Variants in TMEM132D observed in about 807,000 individuals in gnomAD.
TMEM132D encodes the protein transmembrane protein 132D.
A neutral mutation model predicts 62.3 loss-of-function variants in TMEM132D; 21 were observed. The ratio of observed to expected loss-of-function variants is 0.34; its 90% CI spans 0.24 to 0.49. TMEM132D has a LOEUF of 0.49. TMEM132D is among the 20% of genes least tolerant of loss of function. The pLI is 0.99. For synonymous variants in TMEM132D, 621 were observed against 575.6 expected (o/e 1.08, Z -1.13); for missense variants, 1,346 against 1,402.8 (o/e 0.96, Z 0.65).
At chr12:129,224,940 A>T (rs1172297995) in intron 4 of TMEM132D, among the ~76,000 whole-genome samples, 1 of 152,176 alleles carries the variant, frequency 6.6e-6, no homozygotes, top group East Asian at 1.9e-4. Context: ...CCAAGTGGAA[A>T]TAATCAGTGT....
intron 5 of TMEM132D, among the ~76,000 whole-genome samples, chr12:129,103,704 A>C (rs1478757082): frequency 6.6e-6 from 1 of 152,144 alleles, no homozygotes; most frequent in Non-Finnish European, 1.5e-5. Flanking sequence ...CTTTATGCTA[A>C]AATATCTCCG....
rs759425875 is a variant in TMEM132D, at chr12:129,074,884, C to T, written c.2291G>A (p.Gly764Asp). The stretch of plus-strand genomic sequence containing the variant: ...AACCATTTCCACCTTGACCAGGGTG[C>T]CTTGTCCTTCTGTTTCCGCAGCAAT... ...PIIAAETEGQ[G>D]TLVKVEMVIS... Residue 764 changes from glycine to aspartate, a missense_variant, in exon 9 of 9, where the codon GGC (glycine) becomes GAC (aspartate). Physicochemically the swap from Gly to Asp is moderately conservative, Grantham distance 94. Coordinates refer to ENST00000422113, the MANE Select transcript of TMEM132D (RefSeq NM_133448.3). 6.2e-7 allele frequency: 1 copy of T among 1,613,932 alleles called. No individual in the cohort carries two copies. The highest frequency in any genetic ancestry group is 2.2e-5 in the East Asian group (1 of 44,854).
At chr12:129,201,919 G>T (rs1307942281) in intron 5 of TMEM132D, among the ~76,000 whole-genome samples, 1 of 152,010 alleles carries the variant, frequency 6.6e-6, no homozygotes, top group East Asian at 1.9e-4. Flanking sequence ...GTTGATGTAG[G>T]TGGCATTTCC....
chr12:129,134,088 A>G (rs543433647), intron 5 of TMEM132D, among the ~76,000 whole-genome samples: 11 of 145,008 alleles, frequency 7.6e-5, no homozygotes, highest in African/African-American at 2.0e-4. Context: ...TGTGTGTTGT[A>G]TGTGTGTGTG....
intron 2 of TMEM132D, among the ~76,000 whole-genome samples, chr12:129,650,601 T>A (rs1457882145): frequency 6.6e-6 from 1 of 152,206 alleles, no homozygotes; most frequent in Non-Finnish European, 1.5e-5. Flanking sequence ...GGCTGCTTCG[T>A]TTCATCACCA....
chr12:129,615,322 T>G (rs1878883774), intron 2 of TMEM132D, among the ~76,000 whole-genome samples: 1 of 152,156 alleles, frequency 6.6e-6, no homozygotes, highest in Non-Finnish European at 1.5e-5. Context: ...TCAAGCTCAC[T>G]TCTCCCAATA....
At chr12:129,215,693 T>C (rs1278577316) in intron 4 of TMEM132D, among the ~76,000 whole-genome samples, 1 of 152,294 alleles carries the variant, frequency 6.6e-6, no homozygotes, top group East Asian at 1.9e-4. Context: ...CTCTCTTGGA[T>C]TGTGCATTAG....
intron 3 of TMEM132D, among the ~76,000 whole-genome samples, chr12:129,524,194 C>A (rs1035316326): frequency 1.3e-5 from 2 of 150,926 alleles, no homozygotes; most frequent in African/African-American, 4.9e-5. Flanking sequence ...AACAAACCTG[C>A]ACATTGTGCA....
chr12:129,347,130 G>C (rs1199754294), intron 3 of TMEM132D, among the ~76,000 whole-genome samples: 1 of 152,250 alleles, frequency 6.6e-6, no homozygotes, highest in African/African-American at 2.4e-5. Flanking sequence ...TGGCCATGCT[G>C]CCCAAAGTAA....
chr12:129,833,557 C>G (rs1048347613), intron 1 of TMEM132D, among the ~76,000 whole-genome samples: 1 of 152,094 alleles, frequency 6.6e-6, no homozygotes, highest in Non-Finnish European at 1.5e-5. Context: ...CCCAGGAGTT[C>G]GAGGCTGCTG....
chr12:129,311,013 A>G (rs554608517), intron 4 of TMEM132D, among the ~76,000 whole-genome samples: 1 of 96,188 alleles, frequency 1.0e-5, no homozygotes, highest in African/African-American at 5.3e-5. Flanking sequence ...CCTGGCTAAC[A>G]CGGTGAAACC....
rs80274063 is a variant in TMEM132D, at chr12:129,472,863, C to T, written c.1115+58196G>A. On this transcript the variant is annotated intron_variant, in intron 3 of 8. Transcript: ENST00000422113. Reference sequence around the variant, plus strand: ...TCAATGTAGGACACTTCACTGTTGTCTTATTTTAAGACTTTTTTTTTTTTT... The same window carrying T: ...TCAATGTAGGACACTTCACTGTTGTTTTATTTTAAGACTTTTTTTTTTTTT... Among the ~76,000 whole-genome samples the T allele has an allele frequency of 1.8e-4, 28 of 151,824 alleles. 1 individual carries two copies. In the East Asian group the frequency reaches 5.2e-3, roughly 28 times the overall value.
At chr12:129,251,175 C>G (rs138456778) in intron 4 of TMEM132D, among the ~76,000 whole-genome samples, 570 of 151,748 alleles carry the variant, frequency 3.8e-3, no homozygotes, top group African/African-American at 0.013. Context: ...CTGGGCAACA[C>G]GGTGAAACCC....
At position 129,269,339 on chromosome 12, in the gene TMEM132D, C is replaced by T. The variant is rs528480444; in HGVS notation, c.1300-59676G>A. Among the ~76,000 whole-genome samples, 173 of 152,190 alleles carry T rather than the reference C, an allele frequency of 1.1e-3. 1 individual carries two copies. The highest frequency in any genetic ancestry group is 3.9e-3 in the African/African-American group (164 of 41,520). On this transcript the variant is annotated intron_variant, in intron 4 of 8. Transcript: ENST00000422113. Reference sequence around the variant, plus strand: ...ACCTGATGGTATTTTTTGCACAGTACTTTTTCTGATACTTTTCCTCCCTCC... The same window carrying T: ...ACCTGATGGTATTTTTTGCACAGTATTTTTTCTGATACTTTTCCTCCCTCC...
At chr12:129,184,224 G>C (rs138412066) in intron 5 of TMEM132D, among the ~76,000 whole-genome samples, 1 of 152,108 alleles carries the variant, frequency 6.6e-6, no homozygotes, top group South Asian at 2.1e-4. Flanking sequence ...CCATGCAGGC[G>C]GAGGGGCATG....
At chr12:129,216,939 A>C (rs1879220621) in intron 4 of TMEM132D, among the ~76,000 whole-genome samples, 1 of 152,238 alleles carries the variant, frequency 6.6e-6, no homozygotes, top group Non-Finnish European at 1.5e-5. Flanking sequence ...CAAAACGAGT[A>C]AGTTAAATTG....
intron 1 of TMEM132D, among the ~76,000 whole-genome samples, chr12:129,728,473 C>G (rs1869112823): frequency 6.6e-6 from 1 of 152,170 alleles, no homozygotes; most frequent in Admixed American, 6.5e-5. Flanking sequence ...CAGCCACTTT[C>G]TCTTTTGAGA....
intron 4 of TMEM132D, among the ~76,000 whole-genome samples, chr12:129,332,981 C>T (rs978653467): frequency 2.6e-5 from 4 of 152,080 alleles, no homozygotes; most frequent in Admixed American, 1.3e-4. Flanking sequence ...AAACTATACA[C>T]TTACAATGGT....
chr12:129,318,662 G>A (rs765554871), intron 4 of TMEM132D, among the ~76,000 whole-genome samples: 10 of 152,106 alleles, frequency 6.6e-5, no homozygotes, highest in African/African-American at 1.4e-4. Context: ...AGCAGTGGGC[G>A]GGACCCTAGA....
Sources: gnomAD v4.1 joint callset for allele counts (sites outside exome capture counted in the v4.1 genomes callset) on GRCh38, gnomAD v4.1.1 for gene constraint, MANE v1.5 for transcripts, NCBI Gene and HGNC (gene_info 2026-07-23, HGNC 2026-07-21) for gene names.